Variants in C2orf49 observed in about 807,000 individuals in gnomAD.
The protein encoded by C2orf49 is tRNA-splicing ligase complex subunit ASW.
A neutral mutation model predicts 20.6 loss-of-function variants in C2orf49; 11 were observed. That is an observed-to-expected ratio of 0.53 (90% CI 0.34 to 0.88). The LOEUF (loss-of-function observed/expected upper bound fraction) is 0.88. C2orf49 is among the 40% of genes least tolerant of loss of function. The pLI, the probability that C2orf49 is intolerant of heterozygous loss-of-function variation, is 0.02. For synonymous variants in C2orf49, 134 were observed against 108.5 expected (o/e 1.24, Z -1.46); for missense variants, 289 against 274.2 (o/e 1.05, Z -0.38).
chr2:105,372,862 CT>C, the C2orf49 span, among the ~76,000 whole-genome samples: 1 of 152,156 alleles, frequency 6.6e-6, no homozygotes, highest in African/African-American at 2.4e-5. Flanking sequence ...CAGCTTCTTT[CT>C]GTATTTTGAA....
rs1267894270 is a variant in C2orf49 at position 105,346,462 on chromosome 2, C to T, written c.*1091C>T. The T allele has an allele frequency of 2.0e-5, 3 of 152,174 alleles. No individual in the cohort carries two copies. The highest frequency in any genetic ancestry group is 2.9e-5 in the Non-Finnish European group (2 of 68,046). The allele number at this position is 152,174 out of a possible 1,614,324, so 9.4% of individuals were successfully genotyped here. ...TCACTCTGTGAGTTCAGCTATTACT[C>T]GCTCGTGGGAGCTTAATCTTTTCAA... On this transcript the variant is annotated 3_prime_UTR_variant, in exon 4 of 4. Coordinates refer to ENST00000258457, the MANE Select transcript of C2orf49 (RefSeq NM_024093.3).
chr2:105,367,977 T>C, the C2orf49 span, among the ~76,000 whole-genome samples: 1 of 152,244 alleles, frequency 6.6e-6, no homozygotes, highest in Admixed American at 6.5e-5. Context: ...TTTTAGGCAC[T>C]TAACATTTAT....
At chr2:105,360,132 C>T in the C2orf49 span, 1 of 152,062 alleles carries the variant, frequency 6.6e-6, no homozygotes, top group South Asian at 2.1e-4. Context: ...GAAACCCCAT[C>T]TCTACTAAAA....
intron 2 of C2orf49, among the ~76,000 whole-genome samples, chr2:105,341,408 A>G (rs2576765): frequency 0.27 from 40,650 of 152,088 alleles, 5,763 homozygotes; most frequent in South Asian, 0.34. Context: ...TTGTTGAACT[A>G]CTTATTATTT....
chr2:105,349,129 G>GA lies in C2orf49; in HGVS notation c.*3765dup, dbSNP rs1247307511. 1 of 152,102 alleles carries GA rather than the reference G, an allele frequency of 6.6e-6. No individual in the cohort carries two copies. Among genetic ancestry groups the GA allele is most frequent in the African/African-American group, 2.4e-5 (1 of 41,408 alleles). The allele number at this position is 152,102 out of a possible 1,614,324, so 9.4% of individuals were successfully genotyped here. On this transcript the variant is annotated 3_prime_UTR_variant, in exon 4 of 4. Transcript: ENST00000258457. ...GAGAGATTTTATGTTAGAGTGATCT[G>GA]AAAAAAAGTTAATTTCTAAACTGCT...
At chr2:105,363,063 T>G in the C2orf49 span, 7 of 536,910 alleles carry the variant, frequency 1.3e-5, no homozygotes, top group Non-Finnish European at 1.4e-5. Context: ...GCACTGGCCA[T>G]ATGGTTGTGA....
the C2orf49 span, among the ~76,000 whole-genome samples, chr2:105,366,420 A>G: frequency 6.6e-6 from 1 of 152,344 alleles, no homozygotes; most frequent in Admixed American, 6.5e-5. Context: ...AGCAGAGTCA[A>G]TAACAGGAGG....
At chr2:105,358,419 A>G in the C2orf49 span, 2 of 152,250 alleles carry the variant, frequency 1.3e-5, no homozygotes, top group Non-Finnish European at 2.9e-5. Context: ...GGTAGGGGCA[A>G]TTGGAGCTCT....
At chr2:105,364,687 A>G in the C2orf49 span, among the ~76,000 whole-genome samples, 2 of 152,356 alleles carry the variant, frequency 1.3e-5, no homozygotes, top group Non-Finnish European at 2.9e-5. Flanking sequence ...GCACCTCACA[A>G]TCACACTTTT....
the C2orf49 span, among the ~76,000 whole-genome samples, chr2:105,355,951 G>A: frequency 6.6e-6 from 1 of 152,046 alleles, no homozygotes; most frequent in African/African-American, 2.4e-5. Flanking sequence ...AAACTTTTTT[G>A]TTAAGAAAAC....
At chr2:105,363,473 T>A in the C2orf49 span, 1 of 1,603,840 alleles carries the variant, frequency 6.2e-7, no homozygotes, top group Non-Finnish European at 8.5e-7. Context: ...GGTGATGGGC[T>A]GCAGGGACGA....
rs1679791517 is a variant in C2orf49, at chr2:105,345,581, G to C, written c.*210G>C. ...TTCTTGCCTGTCTTGCCCTGATTAG[G>C]AAAGAATATCTTTTTAAACCAATGG... is the stretch of plus-strand genomic sequence containing the variant. On this transcript the variant is annotated 3_prime_UTR_variant, in exon 4 of 4. Coordinates refer to ENST00000258457, the MANE Select transcript of C2orf49 (RefSeq NM_024093.3). 14 of 578,592 alleles carry C rather than the reference G, an allele frequency of 2.4e-5. No individual in the cohort carries two copies. Among genetic ancestry groups the C allele is most frequent in the Non-Finnish European group, 4.0e-5 (13 of 325,288 alleles). The allele number at this position is 578,592 out of a possible 1,614,324, so 35.8% of individuals were successfully genotyped here.
chr2:105,352,429 GTTTTTTTTTTTT>G (rs61585149), downstream of C2orf49, among the ~76,000 whole-genome samples: 3 of 80,758 alleles, frequency 3.7e-5, no homozygotes, highest in Non-Finnish European at 6.4e-5. Context: ...GTTTGTTTGG[GTTTTTTTTTTTT>G]TTTTTTTTTC....
In C2orf49 at chr2:105,346,830, T is replaced by C. The variant is rs1490948304; in HGVS notation, c.*1459T>C. 1 of 152,236 alleles carries C rather than the reference T, an allele frequency of 6.6e-6. No individual in the cohort carries two copies. Among genetic ancestry groups the C allele is most frequent in the East Asian group, 1.9e-4 (1 of 5,206 alleles). The allele number at this position is 152,236 out of a possible 1,614,324, so 9.4% of individuals were successfully genotyped here. ...TGTTTGAGTGGTATTTTCACTCCAA[T>C]TGTATAATGGAAATCAGTGGGAAAA... On this transcript the variant is annotated 3_prime_UTR_variant, in exon 4 of 4. Coordinates refer to ENST00000258457, the MANE Select transcript of C2orf49 (RefSeq NM_024093.3).
the C2orf49 span, chr2:105,373,605 G>C: frequency 6.5e-5 from 105 of 1,614,118 alleles, no homozygotes; most frequent in Non-Finnish European, 8.5e-5. Context: ...ATGAGTACTC[G>C]TTGGAATAGC....
At chr2:105,357,488 C>A in the C2orf49 span, among the ~76,000 whole-genome samples, 3 of 152,112 alleles carry the variant, frequency 2.0e-5, no homozygotes, top group South Asian at 6.2e-4. Context: ...TCCAGGACCC[C>A]CTACAAATAC....
intron 1 of C2orf49, among the ~76,000 whole-genome samples, chr2:105,338,550 G>A (rs1679570321): frequency 6.6e-6 from 1 of 152,128 alleles, no homozygotes; most frequent in African/African-American, 2.4e-5. Context: ...TTTTTAACGA[G>A]CTTGTTGCTG....
At position 105,345,234 on chromosome 2, in the gene C2orf49, C is replaced by A. The variant is rs1167546725; in HGVS notation, c.643-81C>A. 6 of 1,263,188 alleles carry A rather than the reference C, an allele frequency of 4.7e-6. No individual in the cohort carries two copies. In the African/African-American group the frequency reaches 6.0e-5, roughly 13 times the overall value. 78.2% of individuals were successfully genotyped at this position (1,263,188 alleles called of 1,614,324 possible). A position where few individuals can be genotyped will look rare whatever the true frequency, so the allele number is the denominator to read the frequency against. ...CTTCCATTAATACATTAATAGTAAA[C>A]CTTGGTTGTTTGAAATGTTCATTTT... is the stretch of plus-strand genomic sequence containing the variant. On this transcript the variant is annotated intron_variant, in intron 3 of 3. Transcript: ENST00000258457.
chr2:105,380,744 G>A, the C2orf49 span, among the ~76,000 whole-genome samples: 3 of 151,988 alleles, frequency 2.0e-5, no homozygotes, highest in Admixed American at 6.6e-5. Flanking sequence ...GGAAATATCC[G>A]GTTTTAAATT....
Sources: gnomAD v4.1 joint callset for allele counts (sites outside exome capture counted in the v4.1 genomes callset) on GRCh38, gnomAD v4.1.1 for gene constraint, MANE v1.5 for transcripts, NCBI Gene and HGNC (gene_info 2026-07-23, HGNC 2026-07-21) for gene names.